The following VOPP1 variants were observed in gnomAD, a reference collection of about 807,000 sequenced individuals.
VOPP1 encodes the protein VOPP1 WW domain binding protein.
Under a neutral mutation model 23.5 loss-of-function variants are expected in VOPP1, and 8 were observed. The observed-to-expected ratio is 0.34, with a 90% CI of 0.20 to 0.61. The LOEUF is 0.61. Among genes scored for constraint, VOPP1 ranks in the 20% least tolerant of loss-of-function variants. VOPP1 has a pLI of 0.78. For synonymous variants in VOPP1, 83 were observed against 97.3 expected (o/e 0.85, Z 0.86); for missense variants, 174 against 238.1 (o/e 0.73, Z 1.77).
At chr7:55,512,111 T>C (rs75514805) in intron 2 of VOPP1, among the ~76,000 whole-genome samples, 84 of 152,298 alleles carry the variant, frequency 5.5e-4, no homozygotes, top group Non-Finnish European at 8.7e-4. Context: ...TTTAGAAGCA[T>C]AGTCACAATG....
intron 1 of VOPP1, among the ~76,000 whole-genome samples, chr7:55,548,884 G>C (rs189408821): frequency 3.3e-5 from 5 of 152,314 alleles, no homozygotes; most frequent in Admixed American, 2.0e-4. Flanking sequence ...TGAGATCCCA[G>C]CATTTCCCAA....
At chr7:55,568,619 T>A (rs1357061464) in intron 1 of VOPP1, among the ~76,000 whole-genome samples, 1 of 152,188 alleles carries the variant, frequency 6.6e-6, no homozygotes, top group African/African-American at 2.4e-5. Context: ...ACAGAGCCCT[T>A]CAAACAAATA....
chr7:55,544,498 G>A (rs1434065348), intron 1 of VOPP1, among the ~76,000 whole-genome samples: 3 of 152,162 alleles, frequency 2.0e-5, no homozygotes, highest in African/African-American at 7.2e-5. Context: ...AAACTTGCGA[G>A]AAAAGATAGT....
chr7:55,462,553 T>C (rs185891748), intron 4 of VOPP1, among the ~76,000 whole-genome samples: 1 of 152,220 alleles, frequency 6.6e-6, no homozygotes, highest in East Asian at 1.9e-4. Context: ...TTTCTTCTTC[T>C]TTTTTTGGGG....
intron 4 of VOPP1, among the ~76,000 whole-genome samples, chr7:55,453,544 AAG>A (rs1484204052): frequency 6.6e-6 from 1 of 152,192 alleles, no homozygotes. Flanking sequence ...GAGAGTGGGA[AAG>A]AGATGAGGGA....
intron 2 of VOPP1, among the ~76,000 whole-genome samples, chr7:55,519,404 C>T (rs1053746640): frequency 1.3e-5 from 2 of 152,178 alleles, no homozygotes; most frequent in East Asian, 1.9e-4. Context: ...TGACCTCTGA[C>T]GCCCAAGCTC....
At chr7:55,525,653 A>G (rs892315149) in intron 1 of VOPP1, among the ~76,000 whole-genome samples, 1 of 152,142 alleles carries the variant, frequency 6.6e-6, no homozygotes, top group Non-Finnish European at 1.5e-5. Context: ...TCCAAGGTTC[A>G]TCTTACGTGG....
intron 1 of VOPP1, among the ~76,000 whole-genome samples, chr7:55,529,410 A>G (rs1212470630): frequency 6.6e-6 from 1 of 151,028 alleles, no homozygotes; most frequent in Non-Finnish European, 1.5e-5. Context: ...TGAGTGCAAA[A>G]GACTGGATTC....
At chr7:55,438,872 C>G (rs899567130) in intron 4 of VOPP1, among the ~76,000 whole-genome samples, 3 of 152,088 alleles carry the variant, frequency 2.0e-5, no homozygotes, top group Non-Finnish European at 4.4e-5. Flanking sequence ...CAGTCAGAAT[C>G]TAGACAGATC....
intron 2 of VOPP1, among the ~76,000 whole-genome samples, chr7:55,513,305 C>A (rs10215187): frequency 2.0e-5 from 3 of 151,962 alleles, no homozygotes; most frequent in African/African-American, 7.3e-5. Context: ...ACTAGGTAAG[C>A]CATGACACTG....
At chr7:55,488,168 G>A (rs1009496112) in intron 4 of VOPP1, among the ~76,000 whole-genome samples, 6 of 152,202 alleles carry the variant, frequency 3.9e-5, no homozygotes, top group Non-Finnish European at 8.8e-5. Context: ...CTGCATCTTG[G>A]CTGACACTAT....
At chr7:55,547,016 C>G (rs1186785874) in intron 1 of VOPP1, among the ~76,000 whole-genome samples, 3 of 152,358 alleles carry the variant, frequency 2.0e-5, no homozygotes, top group Non-Finnish European at 4.4e-5. Context: ...CTCTCTCGAC[C>G]CACATTCTGC....
intron 1 of VOPP1, among the ~76,000 whole-genome samples, chr7:55,540,740 C>T (rs1194521770): frequency 2.0e-5 from 3 of 152,212 alleles, no homozygotes; most frequent in African/African-American, 4.8e-5. Flanking sequence ...TCTTCACCTC[C>T]GCTGCGGCCT....
intron 1 of VOPP1, among the ~76,000 whole-genome samples, chr7:55,535,713 C>T (rs1796745754): frequency 1.3e-5 from 2 of 152,222 alleles, no homozygotes. Flanking sequence ...ATTTAACTCT[C>T]AGCACTTCAG....
Position 55,445,272 on chromosome 7 carries a change from CACACAG to C in VOPP1, n.418-9104_418-9099del, listed in dbSNP as rs766817584. ...ACACACACACACACACAGACATACA[CACACAG>C]ACACACACACACACAGACACACATA... On this transcript the variant is annotated intron_variant and non_coding_transcript_variant, in intron 4 of 4. Transcript: ENST00000462326. Among the ~76,000 whole-genome samples the C allele has an allele frequency of 8.9e-4, 52 of 58,398 alleles. No individual in the cohort carries two copies. The East Asian group carries it at 0.016, about 18-fold the overall frequency. 38.3% of individuals were successfully genotyped at this position (58,398 alleles called of 152,430 possible). A position where few individuals can be genotyped will look rare whatever the true frequency, so the allele number is the denominator to read the frequency against.
intron 1 of VOPP1, among the ~76,000 whole-genome samples, chr7:55,527,913 C>A (rs1796281230): frequency 6.7e-6 from 1 of 149,652 alleles, no homozygotes; most frequent in Non-Finnish European, 1.5e-5. Flanking sequence ...TAAAAAAATC[C>A]CAGAGTACCC....
rs199914601 is a variant in VOPP1 at position 55,553,402 on chromosome 7, G to A, written c.54+18869C>T. On this transcript the variant is annotated intron_variant, in intron 1 of 4. Transcript: ENST00000285279. ...GAAAATAAAAAGACTAGCCTGGGGA[G>A]CAACGGGCTGTTTTCCCATGTTGCA... Among the ~76,000 whole-genome samples, 25 of 152,268 alleles carry A rather than the reference G, an allele frequency of 1.6e-4. No individual in the cohort carries two copies. The East Asian group carries it at 4.0e-3, about 25-fold the overall frequency.
At chr7:55,509,101 A>G (rs117970106) in intron 2 of VOPP1, among the ~76,000 whole-genome samples, 1,672 of 152,310 alleles carry the variant, frequency 0.011, 11 homozygotes, top group Middle Eastern at 0.02. Flanking sequence ...TCACACAGGC[A>G]TGATAAATAC....
At chr7:55,537,446 G>T in intron 1 of VOPP1, 2 of 1,535,034 alleles carry the variant, frequency 1.3e-6, no homozygotes, top group South Asian at 2.4e-5. Flanking sequence ...CAGAACTGAA[G>T]CCCAAACTCT....
Sources: allele counts gnomAD v4.1 joint callset (sites outside exome capture counted in the v4.1 genomes callset), GRCh38; gene constraint gnomAD v4.1.1; transcripts MANE v1.5; gene names NCBI Gene and HGNC (gene_info 2026-07-23, HGNC 2026-07-21).